SNTG2: variants seen among roughly 807,000 people sequenced by gnomAD.
The protein encoded by SNTG2 is gamma-2-syntrophin.
SNTG2 carries 74 observed loss-of-function variants against 70.9 expected under a neutral mutation model. The observed-to-expected ratio is 1.04, with a 90% CI of 0.86 to 1.27. The LOEUF (loss-of-function observed/expected upper bound fraction) is 1.27, where lower values mean the gene tolerates loss of function less well. SNTG2 is among the 50% of genes most tolerant of loss of function. The probability of loss-of-function intolerance (pLI) is 0.00; values close to 1 mark genes in which losing one functional copy is unlikely to be tolerated. For synonymous variants in SNTG2, 278 were observed against 273.8 expected, an observed-to-expected ratio of 1.02 and a Z score of -0.15; for missense variants, 717 against 690.7, an observed-to-expected ratio of 1.04 and a Z score of -0.43.
At chr2:1,339,279 A>G (rs750268136) in intron 16 of SNTG2, among the ~76,000 whole-genome samples, 6 of 152,320 alleles carry the variant, frequency 3.9e-5, no homozygotes, top group Non-Finnish European at 8.8e-5. Flanking sequence ...TCTAAGATAT[A>G]TGATGTGTAA....
At chr2:1,199,981 C>T (rs1016174777) in intron 8 of SNTG2, among the ~76,000 whole-genome samples, 1 of 151,894 alleles carries the variant, frequency 6.6e-6, no homozygotes, top group African/African-American at 2.4e-5. Flanking sequence ...TATAAAAATA[C>T]CAATAAAATT....
intron 1 of SNTG2, among the ~76,000 whole-genome samples, chr2:1,053,168 A>G (rs1662171206): frequency 6.6e-6 from 1 of 152,238 alleles, no homozygotes; most frequent in Non-Finnish European, 1.5e-5. Context: ...TTCAACAGAC[A>G]TCAGTCAGCT....
chr2:1,226,387 C>T (rs185660831), intron 9 of SNTG2, among the ~76,000 whole-genome samples: 1 of 152,186 alleles, frequency 6.6e-6, no homozygotes, highest in Non-Finnish European at 1.5e-5. Context: ...GAGGTTAAAT[C>T]GGAAGCATAG....
chr2:1,218,708 C>T (rs749028209), intron 9 of SNTG2, among the ~76,000 whole-genome samples: 1 of 152,136 alleles, frequency 6.6e-6, no homozygotes, highest in Non-Finnish European at 1.5e-5. Flanking sequence ...CTGGGATGTG[C>T]CCCTGGGGAA....
intron 1 of SNTG2, among the ~76,000 whole-genome samples, chr2:1,026,944 T>C (rs1660510678): frequency 6.6e-6 from 1 of 152,336 alleles, no homozygotes; most frequent in East Asian, 1.9e-4. Flanking sequence ...CTCCTTGGCT[T>C]AGTATCTGCA....
At chr2:1,111,740 AG>A (rs1666454895) in intron 4 of SNTG2, among the ~76,000 whole-genome samples, 1 of 152,290 alleles carries the variant, frequency 6.6e-6, no homozygotes, top group African/African-American at 2.4e-5. Flanking sequence ...CTCCCTGAGA[AG>A]AATCGTGTGT....
intron 16 of SNTG2, among the ~76,000 whole-genome samples, chr2:1,363,085 C>T (rs568473793): frequency 7.9e-5 from 12 of 152,002 alleles, no homozygotes; most frequent in African/African-American, 2.2e-4. Flanking sequence ...TGAAAGTGAC[C>T]GGCGCTGAGA....
intron 1 of SNTG2, among the ~76,000 whole-genome samples, chr2:988,882 C>G (rs1221500329): frequency 2.6e-5 from 4 of 152,110 alleles, no homozygotes; most frequent in Non-Finnish European, 5.9e-5. Flanking sequence ...GAACATAATA[C>G]ATTTCTTATT....
chr2:1,113,572 A>G (rs185120224), intron 4 of SNTG2, among the ~76,000 whole-genome samples: 163 of 151,068 alleles, frequency 1.1e-3, no homozygotes, highest in African/African-American at 3.7e-3. Flanking sequence ...GATCGTGTGT[A>G]CTAAGTGAGG....
chr2:998,003 A>G (rs922158732), intron 1 of SNTG2, among the ~76,000 whole-genome samples: 1 of 152,190 alleles, frequency 6.6e-6, no homozygotes, highest in Non-Finnish European at 1.5e-5. Flanking sequence ...TGACCAGTAC[A>G]TCACTCCTAC....
chr2:974,064 A>ATGGTTATTTT (rs1660833912), intron 1 of SNTG2, among the ~76,000 whole-genome samples: 1 of 152,040 alleles, frequency 6.6e-6, no homozygotes, highest in African/African-American at 2.4e-5. Context: ...TTATTTATTT[A>ATGGTTATTTT]TGGTTATTTT....
intron 1 of SNTG2, among the ~76,000 whole-genome samples, chr2:963,399 GT>G (rs1660419653): frequency 2.0e-5 from 3 of 152,120 alleles, no homozygotes; most frequent in African/African-American, 7.2e-5. Flanking sequence ...ATGATATACA[GT>G]TTTCTAAACA....
chr2:1,147,580 G>A (rs1232996443), intron 6 of SNTG2, among the ~76,000 whole-genome samples: 1 of 152,188 alleles, frequency 6.6e-6, no homozygotes, highest in Non-Finnish European at 1.5e-5. Flanking sequence ...CCTTGTGATT[G>A]TGTGAGTTAA....
chr2:1,141,588 T>A (rs1454492235), intron 6 of SNTG2, among the ~76,000 whole-genome samples: 1 of 152,174 alleles, frequency 6.6e-6, no homozygotes, highest in African/African-American at 2.4e-5. Context: ...CAAGAGGCAA[T>A]CGAAAGAAAT....
At chr2:1,215,789 G>A in intron 9 of SNTG2, among the ~76,000 whole-genome samples, 1 of 146,712 alleles carries the variant, frequency 6.8e-6, no homozygotes, top group East Asian at 2.1e-4. Context: ...CCACCTATGA[G>A]TGAGAACATG....
At chr2:1,124,305 A>ATTTTTTTTTTTTTTTTTT (rs763685919) in intron 4 of SNTG2, among the ~76,000 whole-genome samples, 1 of 147,436 alleles carries the variant, frequency 6.8e-6, no homozygotes, top group Admixed American at 6.8e-5. Flanking sequence ...TCTTTTTTTA[A>ATTTTTTTTTTTTTTTTTT]TTTTTCTCAG....
At chr2:1,059,594 T>C (rs1662683663) in intron 1 of SNTG2, among the ~76,000 whole-genome samples, 1 of 152,190 alleles carries the variant, frequency 6.6e-6, no homozygotes, top group East Asian at 1.9e-4. Flanking sequence ...AAATACGTTT[T>C]TTTATTTTAT....
chr2:1,116,564 A>G (rs1012754631), intron 4 of SNTG2, among the ~76,000 whole-genome samples: 2,276 of 43,384 alleles, frequency 0.052, no homozygotes, highest in Middle Eastern at 0.091. Context: ...GTGCTCTGGT[A>G]TGTGGGTGCC....
At chr2:1,165,509 T>C (rs753631254) in intron 6 of SNTG2, 39 bp from the exon 7 acceptor site, 6 of 1,543,140 alleles carry the variant, frequency 3.9e-6, no homozygotes, top group Non-Finnish European at 5.4e-6. Context: ...TCTGGTTCTT[T>C]TGTGGTGGTA....
Sources: gnomAD v4.1 joint callset for allele counts (sites outside exome capture counted in the v4.1 genomes callset) on GRCh38, gnomAD v4.1.1 for gene constraint, MANE v1.5 for transcripts, NCBI Gene and HGNC (gene_info 2026-07-23, HGNC 2026-07-21) for gene names.